FSHR: variants seen among roughly 807,000 people sequenced by gnomAD.
The protein encoded by FSHR is follicle-stimulating hormone receptor.
In FSHR, 46 loss-of-function variants were observed where a neutral mutation model predicts 52.1. The observed-to-expected ratio is 0.88, with a 90% CI of 0.70 to 1.13. FSHR has a LOEUF of 1.13. FSHR is among the 50% of genes most tolerant of loss of function. The pLI is 0.00. For missense variants in FSHR, 964 were observed against 834.6 expected (o/e 1.16, Z -1.91); for synonymous variants, 399 against 309.6 (o/e 1.29, Z -3.03).
At chr2:49,072,164 T>G (rs1474264391) in intron 1 of FSHR, among the ~76,000 whole-genome samples, 1 of 152,138 alleles carries the variant, frequency 6.6e-6, no homozygotes, top group Non-Finnish European at 1.5e-5. Context: ...TAAATATAAT[T>G]AACTCTTCTC....
intron 2 of FSHR, among the ~76,000 whole-genome samples, chr2:49,027,390 CAAGACT>C (rs1667943854): frequency 6.6e-6 from 1 of 152,092 alleles, no homozygotes; most frequent in Non-Finnish European, 1.5e-5. Flanking sequence ...ATATAATATG[CAAGACT>C]AAGAATGAAG....
chr2:49,124,348 G>T (rs1671925195), intron 1 of FSHR, among the ~76,000 whole-genome samples: 1 of 151,900 alleles, frequency 6.6e-6, no homozygotes, highest in Non-Finnish European at 1.5e-5. Flanking sequence ...CAAGGGATGG[G>T]CAAAAGTTTA....
intron 1 of FSHR, among the ~76,000 whole-genome samples, chr2:49,076,082 TA>T (rs1205392037): frequency 6.6e-6 from 1 of 152,134 alleles, no homozygotes; most frequent in Non-Finnish European, 1.5e-5. Context: ...AGCTGTCCCC[TA>T]AAAAAATAAG....
At chr2:49,031,619 T>C (rs781231424) in intron 2 of FSHR, among the ~76,000 whole-genome samples, 20 of 152,178 alleles carry the variant, frequency 1.3e-4, no homozygotes, top group Non-Finnish European at 1.0e-4. Context: ...AGGGGTCTTC[T>C]TGCTGGAGCT....
intron 2 of FSHR, among the ~76,000 whole-genome samples, chr2:49,038,384 G>C (rs554332029): frequency 1.3e-5 from 2 of 152,102 alleles, no homozygotes; most frequent in South Asian, 2.1e-4. Context: ...TACTTTGGGA[G>C]GCCAAGGCGG....
chr2:48,985,438 C>T (rs1173971743), intron 6 of FSHR, among the ~76,000 whole-genome samples: 1 of 151,942 alleles, frequency 6.6e-6, no homozygotes, highest in Non-Finnish European at 1.5e-5. Flanking sequence ...CATTTTATTT[C>T]TTCTGAATTA....
chr2:48,987,837 AACACACACACAC>A (rs72108367), intron 6 of FSHR, among the ~76,000 whole-genome samples: 11 of 146,036 alleles, frequency 7.5e-5, no homozygotes, highest in Non-Finnish European at 1.4e-4. Context: ...ACCTCATCTC[AACACACACACAC>A]ACACACACAC....
intron 1 of FSHR, among the ~76,000 whole-genome samples, chr2:49,082,845 T>G (rs1670227602): frequency 6.6e-6 from 1 of 152,214 alleles, no homozygotes; most frequent in African/African-American, 2.4e-5. Flanking sequence ...TGGGACTATG[T>G]GAAAACACCA....
intron 4 of FSHR, among the ~76,000 whole-genome samples, chr2:49,006,361 T>C (rs1203627210): frequency 6.6e-6 from 1 of 152,058 alleles, no homozygotes; most frequent in Admixed American, 6.6e-5. Flanking sequence ...TTTTTCCTAC[T>C]GCGTTAGGCT....
At chr2:48,980,824 T>C (rs1039194265) in intron 8 of FSHR, among the ~76,000 whole-genome samples, 2 of 152,162 alleles carry the variant, frequency 1.3e-5, no homozygotes, top group African/African-American at 2.4e-5. Context: ...ATTTCTTCAG[T>C]TGGATAATGA....
At chr2:49,027,520 T>C (rs1667947605) in intron 2 of FSHR, among the ~76,000 whole-genome samples, 1 of 151,992 alleles carries the variant, frequency 6.6e-6, no homozygotes, top group Non-Finnish European at 1.5e-5. Context: ...GGATAATTAT[T>C]TGGGAAAGCA....
chr2:49,004,920 T>A (rs1179665691), intron 4 of FSHR, among the ~76,000 whole-genome samples: 1 of 152,118 alleles, frequency 6.6e-6, no homozygotes, highest in East Asian at 1.9e-4. Context: ...TGCAAATGGG[T>A]AGAGTAGATG....
intron 1 of FSHR, among the ~76,000 whole-genome samples, chr2:49,141,375 G>T (rs1448932896): frequency 6.6e-6 from 1 of 152,106 alleles, no homozygotes. Context: ...CTTGGCTTCT[G>T]CGGAGGCCTC....
chr2:48,980,790 C>T (rs1297039192), intron 8 of FSHR, among the ~76,000 whole-genome samples: 1 of 152,264 alleles, frequency 6.6e-6, no homozygotes, highest in Middle Eastern at 3.4e-3. Context: ...TGATCTTTAA[C>T]AGATCACTCT....
chr2:48,968,799 G>A lies in FSHR; in HGVS notation c.753C>T (p.Asn251=), dbSNP rs1200790514. The change falls in exon 9 of 10, where the codon AAC becomes AAT. Residue 251 remains asparagine, a synonymous_variant. Transcript: ENST00000406846. ...LKKLRARSTY[N]LKKLPTLEKL... ...TTTCCAGAGTAGGCAGCTTTTTTAA[G>A]TTGTAAGTCGACCTGGCCCTCAGCT... 1.9e-6 allele frequency: 3 copies of A among 1,614,122 alleles called. No individual in the cohort carries two copies. Among genetic ancestry groups the A allele is most frequent in the Non-Finnish European group, 2.5e-6 (3 of 1,179,998 alleles).
rs1378588263 is a variant in FSHR at position 49,035,958 on chromosome 2, T to C, written c.225-15798A>G. Among the ~76,000 whole-genome samples the C allele has an allele frequency of 2.6e-5, 4 of 152,202 alleles. No homozygotes were observed. In the East Asian group the frequency reaches 5.8e-4, roughly 22 times the overall value. On this transcript the variant is annotated intron_variant, in intron 2 of 9. Transcript: ENST00000406846. ...ATTTGAGGTCAACATCATTAGCAAG[T>C]TTAAGCATGTAGATTTCATTTGAAA... is the stretch of plus-strand genomic sequence containing the variant.
intron 2 of FSHR, among the ~76,000 whole-genome samples, chr2:49,025,933 G>A (rs1216117849): frequency 6.6e-6 from 1 of 152,224 alleles, no homozygotes; most frequent in Non-Finnish European, 1.5e-5. Context: ...TAAAAAGCAT[G>A]CTTTTCCCTT....
At chr2:49,126,776 G>T (rs1319537518) in intron 1 of FSHR, among the ~76,000 whole-genome samples, 2 of 152,134 alleles carry the variant, frequency 1.3e-5, no homozygotes, top group African/African-American at 4.8e-5. Context: ...CCACAGCCCA[G>T]GTCTTTTCAC....
At chr2:49,100,993 T>C (rs1671006075) in intron 1 of FSHR, among the ~76,000 whole-genome samples, 1 of 152,076 alleles carries the variant, frequency 6.6e-6, no homozygotes, top group African/African-American at 2.4e-5. Flanking sequence ...GTGATAAAAA[T>C]GGCAAGTGCA....
Sources: allele counts gnomAD v4.1 joint callset (sites outside exome capture counted in the v4.1 genomes callset), GRCh38; gene constraint gnomAD v4.1.1; transcripts MANE v1.5; gene names NCBI Gene and HGNC (gene_info 2026-07-23, HGNC 2026-07-21).